HEATR3: variants seen among roughly 807,000 people sequenced by gnomAD.
HEATR3 encodes HEAT repeat-containing protein 3.
In HEATR3, 56 loss-of-function variants were observed where a neutral mutation model predicts 72.8. The ratio of observed to expected loss-of-function variants is 0.77; its 90% CI spans 0.62 to 0.96. HEATR3 has a LOEUF of 0.96. HEATR3 is among the 40% of genes least tolerant of loss of function. HEATR3 has a pLI of 0.00. For missense variants in HEATR3, 747 were observed against 831.4 expected, an observed-to-expected ratio of 0.90 and a Z score of 1.25; for synonymous variants, 331 against 318.1, an observed-to-expected ratio of 1.04 and a Z score of -0.43.
intron 12 of HEATR3, among the ~76,000 whole-genome samples, chr16:50,095,289 G>A (rs1040761436): frequency 6.6e-6 from 1 of 151,824 alleles, no homozygotes; most frequent in Non-Finnish European, 1.5e-5. Flanking sequence ...TGTATTTTTA[G>A]TAGAGACGGG....
rs1381277987 is a variant in HEATR3, at chr16:50,078,913, A to G, written c.936A>G (p.Ile312Met). Residue 312 changes from isoleucine to methionine, a missense_variant, in exon 7 of 15, where the codon ATA becomes ATG. Coordinates refer to ENST00000299192, the MANE Select transcript of HEATR3 (RefSeq NM_182922.4). ...AAACTGCTGCAGAGGCTGAGGAAAT[A>G]TTAGAGAACACTAATGGGGATGATT... Reference protein sequence around the residue: ...RLKTAAEAEEILENTNGDDLI... With the variant: ...RLKTAAEAEEMLENTNGDDLI... The G allele has an allele frequency of 1.2e-6, 2 of 1,614,166 alleles. No individual in the cohort carries two copies. Among genetic ancestry groups the G allele is most frequent in the South Asian group, 1.1e-5 (1 of 91,088 alleles).
At chr16:50,070,402 G>A in intron 4 of HEATR3, 112 bp downstream of exon 4, 2 of 459,810 alleles carry the variant, frequency 4.3e-6, no homozygotes, top group Non-Finnish European at 7.9e-6. Context: ...AATCTGGGAT[G>A]TTAAGACATG....
chr16:50,072,493 A>G, intron 4 of HEATR3, 112 bp from the exon 5 acceptor site: 2 of 672,616 alleles, frequency 3.0e-6, no homozygotes, highest in Non-Finnish European at 5.2e-6. Context: ...TGGGTGTTTG[A>G]TTCCAACTCC....
At chr16:50,100,159 TC>T (rs1366815712) in intron 12 of HEATR3, 70 bp from the exon 13 acceptor site, 1 of 1,462,940 alleles carries the variant, frequency 6.8e-7, no homozygotes, top group Non-Finnish European at 9.4e-7. Context: ...TTCCTGTCAG[TC>T]CGGTTTTCAC....
chr16:50,075,313 CAAAAAAAAA>C (rs60094512), intron 5 of HEATR3, among the ~76,000 whole-genome samples: 3 of 121,138 alleles, frequency 2.5e-5, no homozygotes, highest in Non-Finnish European at 5.1e-5. Flanking sequence ...AAGACTGTCT[CAAAAAAAAA>C]AAAAAAAAGT....
intron 7 of HEATR3, among the ~76,000 whole-genome samples, chr16:50,083,553 G>A (rs1460141031): frequency 6.6e-6 from 1 of 152,158 alleles, no homozygotes; most frequent in African/African-American, 2.4e-5. Flanking sequence ...GTGTTTCTAA[G>A]TGCCTGGTGT....
chr16:50,088,217 C>T (rs925759181), intron 11 of HEATR3, among the ~76,000 whole-genome samples: 6 of 152,214 alleles, frequency 3.9e-5, no homozygotes, highest in African/African-American at 1.2e-4. Context: ...CTTTAGACAT[C>T]TGTTTTACAT....
chr16:50,095,405 CTT>C lies in HEATR3; in HGVS notation c.1599+632_1599+633del, dbSNP rs60357183. 2.6e-3 allele frequency among the ~76,000 whole-genome samples: 357 copies of C among 136,084 alleles called. 2 individuals carry two copies. The highest frequency in any genetic ancestry group is 8.2e-3 in the East Asian group (38 of 4,652). The allele number at this position is 136,084 out of a possible 152,430, so 89.3% of individuals were successfully genotyped here. A position where few individuals can be genotyped will look rare whatever the true frequency, so the allele number is the denominator to read the frequency against. On this transcript the variant is annotated intron_variant, in intron 12 of 14. Transcript: ENST00000299192. Reference sequence around the variant, plus strand: ...GACAGGCGTGAACCACCGTACCCAGCTTTTTTTTTTTTTTTTTTTTTAACATT... The same window carrying C: ...GACAGGCGTGAACCACCGTACCCAGCTTTTTTTTTTTTTTTTTTTAACATT...
chr16:50,104,826 T>TTA lies in HEATR3; in HGVS notation c.1921-112_1921-111dup, dbSNP rs1282441539. 2.6e-5 allele frequency: 25 copies of TTA among 956,396 alleles called. No individual in the cohort carries two copies. The African/African-American group carries it at 4.3e-4, about 16-fold the overall frequency. 59.2% of individuals were successfully genotyped at this position (956,396 alleles called of 1,614,324 possible). On this transcript the variant is annotated intron_variant, in intron 14 of 14. Transcript: ENST00000299192. ...AAGTAAAAACATTTTTTCCAAATTCTTACAGCTATCTGCTTCAGCAAATGG... is the reference window on the plus strand; with the variant it reads ...AAGTAAAAACATTTTTTCCAAATTCTTATACAGCTATCTGCTTCAGCAAATGG...
At position 50,066,239 on chromosome 16, in the gene HEATR3, C is replaced by T; in HGVS notation, c.108C>T (p.Asp36=). 1 of 1,567,500 alleles carries T rather than the reference C, an allele frequency of 6.4e-7. No homozygotes were observed. The change falls in exon 1 of 15, where the codon GAC becomes GAT. Residue 36 remains aspartate, a synonymous_variant. Transcript: ENST00000299192. ...CGAATGGGACCGGAGGCGAGGAGGACGACGGGCCGGCGGCGGAGCTGCTGG... is the reference window on the plus strand; with the variant it reads ...CGAATGGGACCGGAGGCGAGGAGGATGACGGGCCGGCGGCGGAGCTGCTGG... ...AAANGTGGEE[D]DGPAAELLEK...
intron 2 of HEATR3, among the ~76,000 whole-genome samples, chr16:50,067,103 C>T (rs2036515005): frequency 6.6e-6 from 1 of 152,122 alleles, no homozygotes; most frequent in Non-Finnish European, 1.5e-5. Context: ...CCTGTAATCC[C>T]ATTGCTTTGG....
rs189270139 is a variant in HEATR3, at chr16:50,092,586, G to A, written c.1511-2119G>A. Among the ~76,000 whole-genome samples, 703 of 151,436 alleles carry A rather than the reference G, an allele frequency of 4.6e-3. 8 individuals are homozygous for A. The highest frequency in any genetic ancestry group is 0.016 in the African/African-American group (649 of 41,306). On this transcript the variant is annotated intron_variant, in intron 11 of 14. Transcript: ENST00000299192. Reference sequence around the variant, plus strand: ...TTAGTAGCTGGGACTACAGGCGCCCGCCACCACGCCTGGCTAATTTTTTTT... The same window carrying A: ...TTAGTAGCTGGGACTACAGGCGCCCACCACCACGCCTGGCTAATTTTTTTT...
intron 5 of HEATR3, chr16:50,073,892 C>T (rs1381829088): frequency 6.6e-6 from 1 of 152,138 alleles, no homozygotes; most frequent in African/African-American, 2.4e-5. Context: ...TACATTATTA[C>T]TTTTGCTTCT....
chr16:50,102,117 T>C, intron 13 of HEATR3, 142 bp from the exon 14 acceptor site: 2 of 599,500 alleles, frequency 3.3e-6, no homozygotes, highest in Admixed American at 3.2e-5. Context: ...TTTATAAGTA[T>C]TTAAGTCTAA....
At chr16:50,070,409 C>T (rs2036585950) in intron 4 of HEATR3, 119 bp downstream of exon 4, 1 of 440,486 alleles carries the variant, frequency 2.3e-6, no homozygotes. Flanking sequence ...GATGTTAAGA[C>T]ATGGTAGGGG....
rs768876815 is a variant in HEATR3 at position 50,070,148 on chromosome 16, C to G, written c.400-30C>G. Reference sequence around the variant, plus strand: ...TATTTGTTTAATTCTTCTTAGGAACCAGGGTGCTAATCATGATATTTGGTT... The same window carrying G: ...TATTTGTTTAATTCTTCTTAGGAACGAGGGTGCTAATCATGATATTTGGTT... On this transcript the variant is annotated intron_variant, in intron 3 of 14. Transcript: ENST00000299192. 12 of 1,097,840 alleles carry G rather than the reference C, an allele frequency of 1.1e-5. No homozygotes were observed. The Admixed American group carries it at 1.7e-4, about 16-fold the overall frequency. The allele number at this position is 1,097,840 out of a possible 1,614,324, so 68.0% of individuals were successfully genotyped here.
At chr16:50,095,836 G>A (rs1319842061) in intron 12 of HEATR3, among the ~76,000 whole-genome samples, 1 of 151,962 alleles carries the variant, frequency 6.6e-6, no homozygotes, top group African/African-American at 2.4e-5. Flanking sequence ...AATCATATTA[G>A]ACCCATCAAT....
intron 13 of HEATR3, among the ~76,000 whole-genome samples, chr16:50,102,044 A>G (rs1405436334): frequency 1.3e-5 from 2 of 150,376 alleles, no homozygotes; most frequent in Non-Finnish European, 3.0e-5. Flanking sequence ...ATGGATTTTA[A>G]TTCACTTTAT....
chr16:50,070,273 C>A lies in HEATR3; in HGVS notation c.495C>A (p.Asn165Lys), dbSNP rs755079610. Residue 165 changes from asparagine (N) to lysine (K), a missense_variant, in exon 4 of 15, where the codon AAC becomes AAA. Asn to Lys is a moderately conservative substitution (Grantham distance 94, BLOSUM62 0). Coordinates refer to ENST00000299192, the MANE Select transcript of HEATR3 (RefSeq NM_182922.4). ...SIENIANETV[N>K]VLWNICECSS... ...AGAACATAGCCAATGAGACTGTGAA[C>A]GTGCTGTGGAATATATGGTAAGATG... 2.5e-6 allele frequency: 4 copies of A among 1,584,126 alleles called. No individual in the cohort carries two copies. Among genetic ancestry groups the A allele is most frequent in the Non-Finnish European group, 3.5e-6 (4 of 1,154,496 alleles).
Sources: allele counts gnomAD v4.1 joint callset (sites outside exome capture counted in the v4.1 genomes callset), GRCh38; gene constraint gnomAD v4.1.1; transcripts MANE v1.5; gene names NCBI Gene and HGNC (gene_info 2026-07-23, HGNC 2026-07-21).